The following CCSER1 variants were observed in gnomAD, a reference collection of about 807,000 sequenced individuals.
The protein encoded by CCSER1 is coiled-coil serine rich protein 1, also known as serine-rich coiled-coil domain-containing protein 1.
In CCSER1, 41 loss-of-function variants were observed where a neutral mutation model predicts 82.0. That is an observed-to-expected ratio of 0.50 (90% confidence interval 0.39 to 0.65). The LOEUF is 0.65. Ranked by LOEUF, CCSER1 falls within the 30% of genes least tolerant of loss-of-function variation. The probability of loss-of-function intolerance (pLI) is 0.00; values close to 1 mark genes in which losing one functional copy is unlikely to be tolerated. For synonymous variants in CCSER1, 414 were observed against 383.9 expected (o/e 1.08, Z -0.92); for missense variants, 1,119 against 1,064.2 (o/e 1.05, Z -0.72).
At chr4:90,394,525 A>G (rs1270658817) in intron 3 of CCSER1, among the ~76,000 whole-genome samples, 1 of 152,184 alleles carries the variant, frequency 6.6e-6, no homozygotes, top group African/African-American at 2.4e-5. Flanking sequence ...ACTTTTGTTA[A>G]TAATTAGCAT....
At chr4:90,934,726 G>T (rs564977146) in intron 9 of CCSER1, among the ~76,000 whole-genome samples, 1 of 152,296 alleles carries the variant, frequency 6.6e-6, no homozygotes, top group Admixed American at 6.5e-5. Context: ...GAGGTTGGGA[G>T]TTCGAGACCA....
At chr4:90,706,849 C>G (rs1190069288) in intron 6 of CCSER1, among the ~76,000 whole-genome samples, 1 of 152,086 alleles carries the variant, frequency 6.6e-6, no homozygotes, top group Admixed American at 6.6e-5. Flanking sequence ...AACCATTTGT[C>G]CTTTTTGAGA....
chr4:90,431,996 C>T (rs1289125637), intron 4 of CCSER1, among the ~76,000 whole-genome samples: 1 of 152,068 alleles, frequency 6.6e-6, no homozygotes, highest in East Asian at 1.9e-4. Context: ...TGCTGCACGG[C>T]AGTCCACCTT....
At chr4:90,806,038 T>G (rs1757455798) in intron 7 of CCSER1, among the ~76,000 whole-genome samples, 1 of 152,198 alleles carries the variant, frequency 6.6e-6, no homozygotes, top group African/African-American at 2.4e-5. Context: ...GATAGATATT[T>G]TAGGTTGGTG....
chr4:91,057,405 G>T (rs76968348), intron 9 of CCSER1, among the ~76,000 whole-genome samples: 1 of 151,966 alleles, frequency 6.6e-6, no homozygotes, highest in Non-Finnish European at 1.5e-5. Flanking sequence ...CCCCTTTGTC[G>T]TTCCAGAATC....
chr4:91,542,507 G>T (rs1268298072), intron 10 of CCSER1, among the ~76,000 whole-genome samples: 4 of 152,016 alleles, frequency 2.6e-5, no homozygotes, highest in East Asian at 1.9e-4. Context: ...TTGTGTGTTT[G>T]TTCTCACTGG....
chr4:90,342,625 C>T (rs1273931751), intron 3 of CCSER1, among the ~76,000 whole-genome samples: 1 of 152,164 alleles, frequency 6.6e-6, no homozygotes, highest in East Asian at 1.9e-4. Context: ...GTGAAAGAAC[C>T]ATAGCACCGA....
chr4:90,304,649 G>T (rs1456504000), intron 1 of CCSER1, among the ~76,000 whole-genome samples: 2 of 152,046 alleles, frequency 1.3e-5, no homozygotes, highest in East Asian at 3.9e-4. Flanking sequence ...GGACTGTTGT[G>T]GGGTGGGGAG....
intron 10 of CCSER1, among the ~76,000 whole-genome samples, chr4:91,143,139 G>A (rs952556177): frequency 3.3e-5 from 5 of 151,886 alleles, no homozygotes; most frequent in Admixed American, 2.6e-4. Context: ...ATTTGTTTAT[G>A]TCATCACTGA....
intron 9 of CCSER1, among the ~76,000 whole-genome samples, chr4:91,084,382 C>T (rs1723145225): frequency 6.6e-6 from 1 of 152,094 alleles, no homozygotes; most frequent in South Asian, 2.1e-4. Context: ...ATTTAATCTT[C>T]CTAGCAAATA....
intron 1 of CCSER1, among the ~76,000 whole-genome samples, chr4:90,167,572 C>A (rs1168363918): frequency 6.6e-6 from 1 of 152,122 alleles, no homozygotes; most frequent in Non-Finnish European, 1.5e-5. Flanking sequence ...GCGCCGCACC[C>A]AGTAACTCGT....
At chr4:91,376,230 T>C (rs1385828117) in intron 10 of CCSER1, among the ~76,000 whole-genome samples, 1 of 151,988 alleles carries the variant, frequency 6.6e-6, no homozygotes, top group African/African-American at 2.4e-5. Context: ...TTCTAAGAAA[T>C]GTATTGTTAG....
At chr4:91,027,152 G>C (rs1359752458) in intron 9 of CCSER1, among the ~76,000 whole-genome samples, 1 of 151,966 alleles carries the variant, frequency 6.6e-6, no homozygotes, top group East Asian at 1.9e-4. Flanking sequence ...TCCAAGTTAA[G>C]TTTTAATTTC....
At chr4:91,308,513 A>G (rs1457640561) in intron 10 of CCSER1, among the ~76,000 whole-genome samples, 2 of 152,018 alleles carry the variant, frequency 1.3e-5, no homozygotes, top group African/African-American at 4.8e-5. Context: ...GGACACAGAA[A>G]GTAGAAGAAT....
chr4:91,318,024 T>A (rs1745949129), intron 10 of CCSER1, among the ~76,000 whole-genome samples: 2 of 151,904 alleles, frequency 1.3e-5, no homozygotes, highest in Non-Finnish European at 2.9e-5. Flanking sequence ...AGAGGCAGAT[T>A]TTTTTGTAGA....
At chr4:90,331,953 C>G (rs1739364090) in intron 3 of CCSER1, among the ~76,000 whole-genome samples, 1 of 152,044 alleles carries the variant, frequency 6.6e-6, no homozygotes, top group South Asian at 2.1e-4. Context: ...GTATCTTCAT[C>G]TCTATTTTTA....
At chr4:90,411,251 G>A (rs978777585) in intron 4 of CCSER1, among the ~76,000 whole-genome samples, 1 of 151,974 alleles carries the variant, frequency 6.6e-6, no homozygotes, top group Non-Finnish European at 1.5e-5. Context: ...AGAAAAAGAG[G>A]GAATCCTCCC....
chr4:91,282,916 A>G (rs1420115312), intron 10 of CCSER1, among the ~76,000 whole-genome samples: 1 of 152,132 alleles, frequency 6.6e-6, no homozygotes, highest in Non-Finnish European at 1.5e-5. Context: ...AATGGAAATA[A>G]TAATAAAAGA....
intron 4 of CCSER1, among the ~76,000 whole-genome samples, chr4:90,452,035 G>T (rs1317406728): frequency 6.6e-6 from 1 of 152,088 alleles, no homozygotes; most frequent in Non-Finnish European, 1.5e-5. Context: ...TAATTCAAGT[G>T]CCCTCATGAG....
Sources: gnomAD v4.1 joint callset for allele counts (sites outside exome capture counted in the v4.1 genomes callset) on GRCh38, gnomAD v4.1.1 for gene constraint, MANE v1.5 for transcripts, NCBI Gene and HGNC (gene_info 2026-07-23, HGNC 2026-07-21) for gene names.